MINDY3: variants seen among roughly 807,000 people sequenced by gnomAD.
MINDY3 encodes the protein MINDY lysine 48 deubiquitinase 3, also known as ubiquitin carboxyl-terminal hydrolase MINDY-3.
In MINDY3, 38 loss-of-function variants were observed where a neutral mutation model predicts 69.2. The ratio of observed to expected loss-of-function variants is 0.55; its 90% confidence interval spans 0.42 to 0.72. MINDY3 has a LOEUF of 0.72. Among genes scored for constraint, MINDY3 ranks in the 30% least tolerant of loss-of-function variants. The pLI is 0.00. For missense variants in MINDY3, 522 were observed against 519.0 expected (o/e 1.01, Z -0.06); for synonymous variants, 192 against 180.1 (o/e 1.07, Z -0.53).
intron 8 of MINDY3, among the ~76,000 whole-genome samples, chr10:15,832,119 C>T (rs963860960): frequency 4.6e-5 from 7 of 152,042 alleles, no homozygotes; most frequent in African/African-American, 7.2e-5. Context: ...GGTAAGCTAT[C>T]GAGAATCCGG....
chr10:15,783,642 T>A (rs1185188748), intron 13 of MINDY3, among the ~76,000 whole-genome samples: 2 of 152,218 alleles, frequency 1.3e-5, no homozygotes, highest in African/African-American at 2.4e-5. Context: ...CTACTTTGTA[T>A]CATCTCTTCT....
intron 2 of MINDY3, among the ~76,000 whole-genome samples, chr10:15,845,370 A>C (rs7090975): frequency 0.17 from 25,310 of 152,182 alleles, 5,290 homozygotes; most frequent in African/African-American, 0.49. Flanking sequence ...CAGTATCATG[A>C]TCTAATTTTT....
intron 5 of MINDY3, 69 bp downstream of exon 5, chr10:15,838,159 A>G (rs1833215207): frequency 6.8e-7 from 1 of 1,468,656 alleles, no homozygotes; most frequent in Non-Finnish European, 9.0e-7. Context: ...ACCTTTCCAC[A>G]GTATGAACAG....
At chr10:15,838,365 A>C in intron 4 of MINDY3, 86 bp from the exon 5 acceptor site, 1 of 1,192,430 alleles carries the variant, frequency 8.4e-7, no homozygotes, top group Non-Finnish European at 1.1e-6. Context: ...ACTTTCAAGC[A>C]ATCAAAACTT....
chr10:15,820,185 T>C (rs939494598), intron 9 of MINDY3, among the ~76,000 whole-genome samples: 1 of 152,152 alleles, frequency 6.6e-6, no homozygotes, highest in African/African-American at 2.4e-5. Context: ...TGAGGTACGA[T>C]CTGCAGTCCA....
At chr10:15,848,044 C>A in intron 1 of MINDY3, 101 bp from the exon 2 acceptor site, 2 of 893,838 alleles carry the variant, frequency 2.2e-6, no homozygotes, top group South Asian at 1.4e-5. Context: ...CTTATCACAA[C>A]AGCAAAATAT....
At position 15,778,498 on chromosome 10, in the gene MINDY3, T is replaced by C. The variant is rs1836273816; in HGVS notation, c.*494A>G. Reference sequence around the variant, plus strand: ...TAAGTAAATTGTCAAAGGATCCAGGTTGACAATGTGTTATTTGTCAATATT... The same window carrying C: ...TAAGTAAATTGTCAAAGGATCCAGGCTGACAATGTGTTATTTGTCAATATT... On this transcript the variant is annotated 3_prime_UTR_variant, in exon 15 of 15. Transcript: ENST00000277632. 6.6e-6 allele frequency: 1 copy of C among 152,450 alleles called. No individual in the cohort carries two copies. The highest frequency in any genetic ancestry group is 2.4e-5 in the African/African-American group (1 of 41,452). The allele number at this position is 152,450 out of a possible 1,614,324, so 9.4% of individuals were successfully genotyped here.
At chr10:15,821,297 A>G (rs1839741001) in intron 9 of MINDY3, among the ~76,000 whole-genome samples, 1 of 152,210 alleles carries the variant, frequency 6.6e-6, no homozygotes, top group African/African-American at 2.4e-5. Context: ...CAGTTGTTTT[A>G]GTGAAGCATA....
chr10:15,801,463 A>G (rs10904627), intron 10 of MINDY3, among the ~76,000 whole-genome samples: 27,115 of 152,050 alleles, frequency 0.18, 2,934 homozygotes, highest in South Asian at 0.26. Flanking sequence ...CCTGCCAGTA[A>G]GAGACCACCT....
chr10:15,856,689 A>G (rs1319887746), intron 1 of MINDY3, among the ~76,000 whole-genome samples: 5 of 152,208 alleles, frequency 3.3e-5, no homozygotes, highest in African/African-American at 1.2e-4. Context: ...AAGGCCACTC[A>G]CCCTTTAAAG....
intron 10 of MINDY3, among the ~76,000 whole-genome samples, chr10:15,812,031 C>A (rs1839036436): frequency 6.6e-6 from 1 of 151,798 alleles, no homozygotes; most frequent in South Asian, 2.1e-4. Context: ...AACCTCCGTC[C>A]CCTGGGTTCA....
At chr10:15,782,919 T>C (rs1836657752) in intron 13 of MINDY3, among the ~76,000 whole-genome samples, 1 of 152,170 alleles carries the variant, frequency 6.6e-6, no homozygotes, top group Non-Finnish European at 1.5e-5. Context: ...CGTTCAACCC[T>C]CTTAACCTGG....
At chr10:15,816,796 G>A (rs775828732) in intron 10 of MINDY3, 39 bp downstream of exon 10, 2 of 1,340,894 alleles carry the variant, frequency 1.5e-6, no homozygotes, top group East Asian at 2.3e-5. Context: ...TTGTTTGCCT[G>A]ATGTCATAAC....
In MINDY3 at chr10:15,833,642, ACTCT is replaced by A; in HGVS notation, c.714_717del (p.Arg238SerfsTer5). The stretch of plus-strand genomic sequence containing the variant: ...GGAATATACTTACTCATTCCTGAGC[ACTCT>A]CTATCACCATCCCATACATTAGAAA... On this transcript the variant is annotated frameshift_variant, in exon 8 of 15. Coordinates refer to ENST00000277632, the MANE Select transcript of MINDY3 (RefSeq NM_024948.4). LOFTEE classifies it high-confidence loss of function. 1 of 1,601,498 alleles carries A rather than the reference ACTCT, an allele frequency of 6.2e-7. No homozygotes were observed. The highest frequency in any genetic ancestry group is 8.6e-7 in the Non-Finnish European group (1 of 1,168,942).
intron 13 of MINDY3, 27 bp downstream of exon 13, chr10:15,786,534 A>G (rs780231673): frequency 1.6e-6 from 2 of 1,272,268 alleles, no homozygotes; most frequent in Non-Finnish European, 2.3e-6. Context: ...CAGAATAACA[A>G]TGAATATATT....
chr10:15,846,278 T>C (rs1189324461), intron 2 of MINDY3, among the ~76,000 whole-genome samples: 3 of 152,328 alleles, frequency 2.0e-5, no homozygotes, highest in African/African-American at 7.2e-5. Context: ...TGGTATACCC[T>C]CCATTTAACT....
chr10:15,797,319 A>C (rs1309250645), intron 10 of MINDY3, among the ~76,000 whole-genome samples: 1 of 152,076 alleles, frequency 6.6e-6, no homozygotes, highest in Non-Finnish European at 1.5e-5. Context: ...CTTAAAAACC[A>C]CTTGACATTT....
intron 12 of MINDY3, 100 bp from the exon 13 acceptor site, chr10:15,786,748 CA>C: frequency 2.8e-6 from 2 of 718,688 alleles, no homozygotes; most frequent in Non-Finnish European, 2.5e-6. Flanking sequence ...ATTCGGCTGC[CA>C]AAAACACTAA....
At chr10:15,786,385 G>A (rs138860765) in intron 13 of MINDY3, among the ~76,000 whole-genome samples, 176 bp downstream of exon 13, 2 of 152,116 alleles carry the variant, frequency 1.3e-5, no homozygotes, top group African/African-American at 4.8e-5. Flanking sequence ...TCAAGGCACT[G>A]CGTTACCGTA....
Sources: allele counts gnomAD v4.1 joint callset (sites outside exome capture counted in the v4.1 genomes callset), GRCh38; gene constraint gnomAD v4.1.1; transcripts MANE v1.5; gene names NCBI Gene and HGNC (gene_info 2026-07-23, HGNC 2026-07-21).